The following CHD7 variants were observed in gnomAD, a reference collection of about 807,000 sequenced individuals.
CHD7 encodes the protein chromodomain helicase DNA binding protein 7.
A neutral mutation model predicts 307.3 loss-of-function variants in CHD7; 24 were observed. The ratio of observed to expected loss-of-function variants is 0.08; its 90% CI spans 0.06 to 0.11. The LOEUF (loss-of-function observed/expected upper bound fraction) is 0.11, where lower values mean the gene tolerates loss of function less well. Among genes scored for constraint, CHD7 ranks in the 10% least tolerant of loss-of-function variants. The pLI, the probability that CHD7 is intolerant of heterozygous loss-of-function variation, is 1.00. For synonymous variants in CHD7, 1,363 were observed against 1,349.9 expected (o/e 1.01, Z -0.21); for missense variants, 3,106 against 3,727.1 (o/e 0.83, Z 4.34).
intron 1 of CHD7, among the ~76,000 whole-genome samples, chr8:60,738,788 C>G (rs1586242616): frequency 6.6e-6 from 1 of 152,074 alleles, no homozygotes; most frequent in East Asian, 1.9e-4. Context: ...CTGCCTGGAC[C>G]TTACCTGAGC....
At chr8:60,834,018 G>A (rs1205802186) in intron 15 of CHD7, among the ~76,000 whole-genome samples, 1 of 152,146 alleles carries the variant, frequency 6.6e-6, no homozygotes, top group Non-Finnish European at 1.5e-5. Flanking sequence ...ACAGAGAGCT[G>A]AATTAATTAA....
At position 60,741,474 on chromosome 8, in the gene CHD7, G is replaced by T; in HGVS notation, c.42G>T (p.Gly14=). The change falls in exon 2 of 38, where the codon GGG becomes GGT. Residue 14 remains glycine, a synonymous_variant. Coordinates refer to ENST00000423902, the MANE Select transcript of CHD7 (RefSeq NM_017780.4). ...TGATGAGTCTTTTTGGCGAGGATGGGAATATTTTCAGTGAAGGTCTTGAAG... is the reference window on the plus strand; with the variant it reads ...TGATGAGTCTTTTTGGCGAGGATGGTAATATTTTCAGTGAAGGTCTTGAAG... The part of the protein sequence containing the change: ...PGMMSLFGED[G]NIFSEGLEGL... The T allele has an allele frequency of 6.2e-7, 1 of 1,611,632 alleles. No homozygotes were observed. Among genetic ancestry groups the T allele is most frequent in the Non-Finnish European group, 8.5e-7 (1 of 1,178,764 alleles).
chr8:60,851,129 T>G, intron 27 of CHD7, 25 bp downstream of exon 27: 1 of 1,531,740 alleles, frequency 6.5e-7, no homozygotes, highest in Non-Finnish European at 8.9e-7. Context: ...ATATTGGCTT[T>G]TATAGCTCCA....
Position 60,818,611 on chromosome 8 carries a change from CTG to C in CHD7, c.2614-1392_2614-1391del, listed in dbSNP as rs202194123. ...TTTTTTTTGCCTTACTAATCTACCT[CTG>C]TGTAAAAGCCTGAGATACTTGAGAC... On this transcript the variant is annotated intron_variant, in intron 8 of 37. Coordinates refer to ENST00000423902, the MANE Select transcript of CHD7 (RefSeq NM_017780.4). Among the ~76,000 whole-genome samples the C allele has an allele frequency of 4.6e-5, 7 of 152,252 alleles. No homozygotes were observed. In the East Asian group the frequency reaches 1.2e-3, roughly 25 times the overall value.
At chr8:60,830,697 A>G in intron 15 of CHD7, 120 bp downstream of exon 15, 1 of 1,155,426 alleles carries the variant, frequency 8.7e-7, no homozygotes, top group South Asian at 1.6e-5. Context: ...TCCACTCAGC[A>G]TGGGTTTCAC....
intron 1 of CHD7, among the ~76,000 whole-genome samples, chr8:60,690,152 T>C (rs1806123295): frequency 6.7e-6 from 1 of 150,304 alleles, no homozygotes. Flanking sequence ...AAATCAGTAG[T>C]CTTACATGTT....
In CHD7 at chr8:60,852,151, C is replaced by A. The variant is rs773867024; in HGVS notation, c.5798C>A (p.Ala1933Asp). ...SYKRQQMRQE[A>D]LMKTDRRRRR... ...AAAAGGCAACAGATGAGGCAAGAGG[C>A]CCTAATGAAGACTGACCGGCGCAGA... The change falls in exon 29 of 38, where the codon GCC (alanine) becomes GAC (aspartate). Residue 1933 changes from alanine (A) to aspartate (D), a missense_variant. Ala to Asp is a moderately radical substitution (Grantham distance 126). Transcript: ENST00000423902. The A allele has an allele frequency of 6.2e-7, 1 of 1,613,984 alleles. No homozygotes were observed.
Position 60,865,503 on chromosome 8 carries a change from A to G in CHD7, c.8564A>G (p.Lys2855Arg). 6.2e-7 allele frequency: 1 copy of G among 1,614,058 alleles called. No homozygotes were observed. Among genetic ancestry groups the G allele is most frequent in the Non-Finnish European group, 8.5e-7 (1 of 1,179,896 alleles). Residue 2855 changes from lysine (K) to arginine (R), a missense_variant, in exon 38 of 38, where the codon AAA (lysine) becomes AGA (arginine). By Grantham distance (26) the Lys-to-Arg change is conservative (BLOSUM62 2). This residue lies in a region of CHD7 where 351 missense variants were observed against 366.2 expected (regional missense o/e 0.96). Transcript: ENST00000423902. This position sits in a 1 kb window ranked among gnomAD's most constrained non-coding sequence, Gnocchi z 4.3. ...GGAAATGAGAATGAAGACGAGAACAAAGACTCTGAGAAAAGCACAGATGCT... is the reference window on the plus strand; with the variant it reads ...GGAAATGAGAATGAAGACGAGAACAGAGACTCTGAGAAAAGCACAGATGCT... ...EKGNENEDEN[K>R]DSEKSTDAVS...
At chr8:60,691,861 G>C (rs970537898) in intron 1 of CHD7, among the ~76,000 whole-genome samples, 1 of 152,120 alleles carries the variant, frequency 6.6e-6, no homozygotes, top group Non-Finnish European at 1.5e-5. Context: ...AGTTTATCTG[G>C]TAAGCTTAGA....
At chr8:60,712,452 T>C (rs1807327419) in intron 1 of CHD7, among the ~76,000 whole-genome samples, 1 of 152,164 alleles carries the variant, frequency 6.6e-6, no homozygotes, top group Non-Finnish European at 1.5e-5. Context: ...CATGTAAAAG[T>C]AGACACGAGC....
chr8:60,823,394 T>G (rs866793931), intron 12 of CHD7, among the ~76,000 whole-genome samples: 475 of 145,544 alleles, frequency 3.3e-3, no homozygotes, highest in African/African-American at 0.01. Flanking sequence ...TTTTGCTATA[T>G]ATAGATAGAT....
chr8:60,705,838 C>T (rs774496488), intron 1 of CHD7, among the ~76,000 whole-genome samples: 2 of 152,168 alleles, frequency 1.3e-5, no homozygotes, highest in Non-Finnish European at 2.9e-5. Flanking sequence ...AATTGATTAA[C>T]ATTATATAAT....
chr8:60,697,418 A>G (rs76566341), intron 1 of CHD7, among the ~76,000 whole-genome samples: 3,146 of 152,310 alleles, frequency 0.021, 121 homozygotes, highest in African/African-American at 0.071. Flanking sequence ...ACCCTCAAAC[A>G]TTATTATATC....
At chr8:60,807,206 T>C (rs1341585506) in intron 6 of CHD7, among the ~76,000 whole-genome samples, 2 of 152,216 alleles carry the variant, frequency 1.3e-5, no homozygotes, top group Non-Finnish European at 2.9e-5. Context: ...TTCTTTGCCA[T>C]GTTCCTACTT....
intron 37 of CHD7, chr8:60,864,032 A>G (rs976730027): frequency 4.6e-5 from 7 of 152,056 alleles, no homozygotes; most frequent in African/African-American, 1.7e-4. Flanking sequence ...GTGCCCAGCC[A>G]AAATTTTTTT....
At chr8:60,775,180 A>G (rs1476827102) in intron 2 of CHD7, among the ~76,000 whole-genome samples, 1 of 152,116 alleles carries the variant, frequency 6.6e-6, no homozygotes, top group Non-Finnish European at 1.5e-5. Context: ...TTTCAGCTAG[A>G]TGTTTCAACA....
chr8:60,863,048 C>G lies in CHD7; in HGVS notation c.8076+396C>G, dbSNP rs137985893. ...CAAAACAAAAATACAACAGTTCTGC[C>G]TAAAAGATTTGTTACCATTAGCTTT... On this transcript the variant is annotated intron_variant, in intron 37 of 37. Coordinates refer to ENST00000423902, the MANE Select transcript of CHD7 (RefSeq NM_017780.4). The G allele has an allele frequency of 1.6e-4, 27 of 164,530 alleles. No homozygotes were observed. The East Asian group carries it at 4.3e-3, about 26-fold the overall frequency. 10.2% of individuals were successfully genotyped at this position (164,530 alleles called of 1,614,324 possible). A position where few individuals can be genotyped will look rare whatever the true frequency, so the allele number is the denominator to read the frequency against.
chr8:60,744,072 G>T (rs1563563775), intron 2 of CHD7, among the ~76,000 whole-genome samples: 1 of 152,186 alleles, frequency 6.6e-6, no homozygotes, highest in African/African-American at 2.4e-5. Context: ...CCAGAGAGAG[G>T]AAATAACCTG....
At chr8:60,679,769 C>T (rs1407826633) in intron 1 of CHD7, 1 of 148,788 alleles carries the variant, frequency 6.7e-6, no homozygotes, top group African/African-American at 2.4e-5. Flanking sequence ...CGCCAGCCCG[C>T]GCGGGGACCG....
Sources: allele counts gnomAD v4.1 joint callset (sites outside exome capture counted in the v4.1 genomes callset), GRCh38; gene constraint gnomAD v4.1.1; regional missense constraint gnomAD v4.1.1; non-coding constraint Gnocchi (gnomAD v3.1); transcripts MANE v1.5; gene names NCBI Gene and HGNC (gene_info 2026-07-23, HGNC 2026-07-21).